Variants in ZBBX observed in about 807,000 individuals in gnomAD.
ZBBX encodes the protein zinc finger B-box domain containing, also known as zinc finger B-box domain-containing protein 1.
In ZBBX, 101 loss-of-function variants were observed where a neutral mutation model predicts 108.5. That is an observed-to-expected ratio of 0.93 (90% CI 0.79 to 1.10). The LOEUF is 1.10. Among genes scored for constraint, ZBBX ranks in the 50% least tolerant of loss-of-function variants. ZBBX has a pLI of 0.00. For missense variants in ZBBX, 1,009 were observed against 941.4 expected, an observed-to-expected ratio of 1.07 and a Z score of -0.94; for synonymous variants, 356 against 323.4, an observed-to-expected ratio of 1.10 and a Z score of -1.08.
intron 15 of ZBBX, 62 bp from the exon 16 acceptor site, chr3:167,314,178 T>G: frequency 1.4e-6 from 2 of 1,433,962 alleles, no homozygotes; most frequent in Non-Finnish European, 1.9e-6. Flanking sequence ...AAAGAAAATT[T>G]TAAAAGTCCC....
chr3:167,254,772 C>A (rs1375966106), intron 20 of ZBBX, among the ~76,000 whole-genome samples: 1 of 151,806 alleles, frequency 6.6e-6, no homozygotes, highest in East Asian at 1.9e-4. Flanking sequence ...AAAAAAAATG[C>A]TGAATTATTG....
At chr3:167,272,673 C>T (rs1046386643) in intron 20 of ZBBX, among the ~76,000 whole-genome samples, 11 of 152,174 alleles carry the variant, frequency 7.2e-5, no homozygotes, top group Non-Finnish European at 1.2e-4. Flanking sequence ...TTACATTTGA[C>T]GCTTGTCTAG....
chr3:167,290,256 T>C (rs764955873), intron 18 of ZBBX, among the ~76,000 whole-genome samples: 2 of 152,120 alleles, frequency 1.3e-5, no homozygotes, highest in Non-Finnish European at 2.9e-5. Flanking sequence ...GTATCCTGAT[T>C]GGGAGACAAC....
intron 6 of ZBBX, among the ~76,000 whole-genome samples, chr3:167,362,821 GCCTCTACTATAGGTCC>G (rs1347866309): frequency 6.6e-6 from 1 of 151,950 alleles, no homozygotes. Context: ...CAGCAAAGGT[GCCTCTACTATAGGTCC>G]CCACCATCCA....
downstream of ZBBX, among the ~76,000 whole-genome samples, chr3:167,235,356 G>T (rs897395284): frequency 4.0e-5 from 6 of 151,342 alleles, no homozygotes; most frequent in Admixed American, 2.0e-4. Flanking sequence ...ATTTGACTAT[G>T]TAAAAAAATG....
the ZBBX span, among the ~76,000 whole-genome samples, chr3:167,198,920 T>C: frequency 2.0e-5 from 3 of 152,174 alleles, no homozygotes; most frequent in African/African-American, 7.2e-5. Context: ...ATTTAGCCTT[T>C]CTGGAAAGCA....
rs1192284758 is a variant in ZBBX at position 167,330,865 on chromosome 3, GAGGAGGAGAAGA to G, written c.688-2761_688-2750del. The stretch of plus-strand genomic sequence containing the variant: ...GGAAGAGGAGGAGGAGGAGGAGGAG[GAGGAGGAGAAGA>G]AGAAGAAGAAGAAGAAGAAGAAGAA... On this transcript the variant is annotated intron_variant, in intron 10 of 21. Coordinates refer to ENST00000675490, the MANE Select transcript of ZBBX (RefSeq NM_001199201.2). Among the ~76,000 whole-genome samples the G allele has an allele frequency of 5.0e-3, 109 of 21,848 alleles. 2 individuals are homozygous for G. The highest frequency in any genetic ancestry group is 0.015 in the African/African-American group (106 of 7,286). The allele number at this position is 21,848 out of a possible 152,430, so 14.3% of individuals were successfully genotyped here. A position where few individuals can be genotyped will look rare whatever the true frequency, so the allele number is the denominator to read the frequency against.
intron 1 of ZBBX, among the ~76,000 whole-genome samples, chr3:167,388,282 T>C (rs752627856): frequency 1.3e-5 from 2 of 151,714 alleles, no homozygotes; most frequent in African/African-American, 2.4e-5. Flanking sequence ...GTGGTGAAAA[T>C]GTTAGGAGAT....
chr3:167,340,432 T>C (rs1485531907), intron 9 of ZBBX, among the ~76,000 whole-genome samples: 1 of 152,122 alleles, frequency 6.6e-6, no homozygotes, highest in African/African-American at 2.4e-5. Context: ...AAAAAATACA[T>C]AATTTTGAAC....
At chr3:167,403,585 C>T (rs1364214038) in intron 1 of ZBBX, among the ~76,000 whole-genome samples, 1 of 152,012 alleles carries the variant, frequency 6.6e-6, no homozygotes, top group East Asian at 1.9e-4. Flanking sequence ...TAAAATGAAA[C>T]ATTTATATTG....
At chr3:167,178,511 T>G in the ZBBX span, among the ~76,000 whole-genome samples, 2 of 152,112 alleles carry the variant, frequency 1.3e-5, no homozygotes, top group Admixed American at 6.6e-5. Flanking sequence ...CTCGTGACAG[T>G]TGGGGTCCTC....
intron 10 of ZBBX, among the ~76,000 whole-genome samples, chr3:167,328,467 CT>C (rs1189353478): frequency 7.6e-5 from 11 of 143,958 alleles, no homozygotes; most frequent in Admixed American, 7.6e-4. Context: ...TCCCCGCAAC[CT>C]TCTCATATCA....
At chr3:167,345,412 TA>T (rs1741259529) in intron 9 of ZBBX, among the ~76,000 whole-genome samples, 1 of 151,924 alleles carries the variant, frequency 6.6e-6, no homozygotes, top group African/African-American at 2.4e-5. Flanking sequence ...AGAAATAAGT[TA>T]AAAATATGAC....
chr3:167,238,455 A>G (rs1289635882), downstream of ZBBX, among the ~76,000 whole-genome samples: 1 of 152,060 alleles, frequency 6.6e-6, no homozygotes, highest in Non-Finnish European at 1.5e-5. Context: ...TTTTATATTA[A>G]AAGACATGGA....
chr3:167,277,951 A>C (rs1305875013), intron 20 of ZBBX, among the ~76,000 whole-genome samples: 1 of 150,978 alleles, frequency 6.6e-6, no homozygotes. Flanking sequence ...AATCTCACTC[A>C]AAACCACTCA....
chr3:167,362,979 T>G (rs1023232004), intron 6 of ZBBX, among the ~76,000 whole-genome samples: 1 of 151,916 alleles, frequency 6.6e-6, no homozygotes, highest in East Asian at 1.9e-4. Flanking sequence ...ACATCCTGGT[T>G]TGAAGACCCT....
intron 10 of ZBBX, among the ~76,000 whole-genome samples, chr3:167,331,351 T>G (rs1738601970): frequency 6.6e-6 from 1 of 152,102 alleles, no homozygotes; most frequent in South Asian, 2.1e-4. Flanking sequence ...TTAGGAGTAT[T>G]TGTGAGAAGG....
chr3:167,182,697 T>G, the ZBBX span, among the ~76,000 whole-genome samples: 12 of 152,274 alleles, frequency 7.9e-5, no homozygotes, highest in Non-Finnish European at 1.5e-4. Context: ...GTTTTAAATT[T>G]TAATAACTGA....
chr3:167,370,209 T>C (rs994667710), intron 4 of ZBBX, among the ~76,000 whole-genome samples: 37 of 152,266 alleles, frequency 2.4e-4, no homozygotes, highest in African/African-American at 8.9e-4. Context: ...TGGGCTAGTC[T>C]GACTGAGCAG....
Sources: allele counts gnomAD v4.1 joint callset (sites outside exome capture counted in the v4.1 genomes callset), GRCh38; gene constraint gnomAD v4.1.1; transcripts MANE v1.5; gene names NCBI Gene and HGNC (gene_info 2026-07-23, HGNC 2026-07-21).